Variants in LTBP3 observed in about 807,000 individuals in gnomAD.
The protein encoded by LTBP3 is latent transforming growth factor beta binding protein 3.
Under a neutral mutation model 159.7 loss-of-function variants are expected in LTBP3, and 97 were observed. The observed-to-expected ratio is 0.61, with a 90% CI of 0.52 to 0.72. LTBP3 has a LOEUF of 0.72. LTBP3 is among the 30% of genes least tolerant of loss of function. LTBP3 has a pLI of 0.00. For missense variants in LTBP3, 1,584 were observed against 1,864.3 expected, an observed-to-expected ratio of 0.85 and a Z score of 2.77; for synonymous variants, 824 against 777.1, an observed-to-expected ratio of 1.06 and a Z score of -1.00.
chr11:65,541,355 C>T (rs942485217), intron 19 of LTBP3, 62 bp from the exon 20 acceptor site: 235 of 1,575,766 alleles, frequency 1.5e-4, no homozygotes, highest in Middle Eastern at 2.2e-4. Context: ...TCCACCCTGC[C>T]CACCCACCAC....
At chr11:65,539,652 C>A in intron 25 of LTBP3, 24 bp from the exon 26 acceptor site, 1 of 1,596,566 alleles carries the variant, frequency 6.3e-7, no homozygotes, top group Non-Finnish European at 8.5e-7. Context: ...AACTGGTCAG[C>A]GACGTCCGGG....
Position 65,552,773 on chromosome 11 carries a change from T to C in LTBP3, c.1186+87A>G. The C allele has an allele frequency of 6.3e-7, 1 of 1,597,742 alleles. No individual in the cohort carries two copies. Among genetic ancestry groups the C allele is most frequent in the South Asian group, 1.1e-5 (1 of 90,094 alleles). ...CCTTGTTCCTCCTGCAGTCAACCCT[T>C]AACCCCACTCTGATCTCTTGCGATC... On this transcript the variant is annotated intron_variant, in intron 6 of 27. Coordinates refer to ENST00000301873, the MANE Select transcript of LTBP3 (RefSeq NM_001130144.3). This position sits in a 1 kb window ranked among gnomAD's most constrained non-coding sequence, Gnocchi z 6.0.
Position 65,558,055 on chromosome 11 carries a change from G to A in LTBP3, c.-96C>T, listed in dbSNP as rs1856875732. The A allele has an allele frequency of 9.4e-7, 1 of 1,065,262 alleles. No homozygotes were observed. The highest frequency in any genetic ancestry group is 5.4e-5 in the East Asian group (1 of 18,558). The allele number at this position is 1,065,262 out of a possible 1,614,324, so 66.0% of individuals were successfully genotyped here. Reference sequence around the variant, plus strand: ...AGAGGGCCGGGAGCCCCGGGAGAGGGTAGGGGGCAGCGAGGGAGGGCAGCG... The same window carrying A: ...AGAGGGCCGGGAGCCCCGGGAGAGGATAGGGGGCAGCGAGGGAGGGCAGCG... On this transcript the variant is annotated 5_prime_UTR_variant, in exon 1 of 28. Transcript: ENST00000301873.
intron 18 of LTBP3, 133 bp downstream of exon 18, chr11:65,542,972 G>GGATA (rs1256061317): frequency 7.3e-6 from 8 of 1,088,814 alleles, no homozygotes; most frequent in East Asian, 2.5e-5. Flanking sequence ...ATGGATGGAT[G>GGATA]GATAGATGGA....
At position 65,546,418 on chromosome 11, in the gene LTBP3, C is replaced by T. The variant is rs776467473; in HGVS notation, c.2353+24G>A. 1.6e-5 allele frequency: 25 copies of T among 1,524,632 alleles called. No individual in the cohort carries two copies. In the Admixed American group the frequency reaches 2.3e-4, roughly 14 times the overall value. The allele number at this position is 1,524,632 out of a possible 1,614,324, so 94.4% of individuals were successfully genotyped here. On this transcript the variant is annotated intron_variant, in intron 16 of 27. Transcript: ENST00000301873. The surrounding 1 kb of genome is among the most constrained non-coding windows in gnomAD (Gnocchi z 4.0). ...CAGCGCGTAGGGGGCGGCGGAGGCC[C>T]GGGGCGGGGGTGCTGGCGCTCACCC...
chr11:65,547,327 G>C lies in LTBP3; in HGVS notation c.2107+112C>G. The C allele has an allele frequency of 7.7e-7, 1 of 1,306,472 alleles. No individual in the cohort carries two copies. Among genetic ancestry groups the C allele is most frequent in the Non-Finnish European group, 1.1e-6 (1 of 935,290 alleles). The allele number at this position is 1,306,472 out of a possible 1,614,324, so 80.9% of individuals were successfully genotyped here. ...CCACCGCACTCCAGCCTGGGCGACA[G>C]AGTGAGACTCCGTCTCGGGGGAAAA... On this transcript the variant is annotated intron_variant, in intron 14 of 27. Coordinates refer to ENST00000301873, the MANE Select transcript of LTBP3 (RefSeq NM_001130144.3). The surrounding 1 kb of genome is among the most constrained non-coding windows in gnomAD (Gnocchi z 4.6).
At chr11:65,540,812 C>T in intron 21 of LTBP3, 59 bp downstream of exon 21, 4 of 1,532,112 alleles carry the variant, frequency 2.6e-6, no homozygotes, top group South Asian at 2.4e-5. Context: ...CGGCGGGATC[C>T]GGGCGAGCCC....
Position 65,552,339 on chromosome 11 carries a change from T to C in LTBP3, c.1254A>G (p.Pro418=), listed in dbSNP as rs1295347115. ...GCTGGCGGGTCAGGCGGGTGGTCAG[T>C]GGGTGCTGGCACTGGTGCTCAGGGC... ...LVSPEHQCQH[P]LTTRLTRQLC... is the part of the protein sequence containing the mutation. The change falls in exon 7 of 28, where the codon CCA becomes CCG. Residue 418 remains proline (P), a synonymous_variant. Coordinates refer to ENST00000301873, the MANE Select transcript of LTBP3 (RefSeq NM_001130144.3). The surrounding 1 kb of genome is among the most constrained non-coding windows in gnomAD (Gnocchi z 6.0). 3 of 1,614,046 alleles carry C rather than the reference T, an allele frequency of 1.9e-6. No homozygotes were observed. In the Admixed American group the frequency reaches 5.0e-5, roughly 27 times the overall value.
rs550555573 is a variant in LTBP3, at chr11:65,546,168, C to T, written c.2353+274G>A. 1.4e-5 allele frequency: 7 copies of T among 502,498 alleles called. No homozygotes were observed. Among genetic ancestry groups the T allele is most frequent in the Non-Finnish European group, 2.1e-5 (6 of 282,952 alleles). The allele number at this position is 502,498 out of a possible 1,614,324, so 31.1% of individuals were successfully genotyped here. ...ATAAACAGGAGTGCAGGGGGGAGTA[C>T]TATCGTCTGCCCTCATTCTTTGATA... On this transcript the variant is annotated intron_variant, in intron 16 of 27. Transcript: ENST00000301873. The surrounding 1 kb of genome is among the most constrained non-coding windows in gnomAD (Gnocchi z 4.0).
At chr11:65,539,684 C>A in intron 25 of LTBP3, 36 bp downstream of exon 25, 1 of 1,575,252 alleles carries the variant, frequency 6.3e-7, no homozygotes, top group Non-Finnish European at 8.6e-7. Flanking sequence ...TGGCCCCCAT[C>A]CTCGCTCCCG....
At position 65,557,949 on chromosome 11, in the gene LTBP3, G is replaced by T; in HGVS notation, c.11C>A (p.Pro4His). ...GGCCAGGCCGCCAGCAGCCCCTCGG[G>T]GCCCGGGCATCCGGGGCCGCAGGAC... MPG[P>H]RGAAGGLAPE... Residue 4 changes from proline to histidine, a missense_variant, in exon 1 of 28, where the codon CCC becomes CAC. This residue lies in a region of LTBP3 where 79 missense variants were observed against 64.7 expected (regional missense o/e 1.22). Transcript: ENST00000301873. 1 of 1,172,888 alleles carries T rather than the reference G, an allele frequency of 8.5e-7. No individual in the cohort carries two copies. The highest frequency in any genetic ancestry group is 1.1e-6 in the Non-Finnish European group (1 of 951,420). The allele number at this position is 1,172,888 out of a possible 1,614,324, so 72.7% of individuals were successfully genotyped here. A position where few individuals can be genotyped will look rare whatever the true frequency, so the allele number is the denominator to read the frequency against.
At position 65,538,575 on chromosome 11, in the gene LTBP3, G is replaced by T. The variant is rs764688086; in HGVS notation, c.*505C>A. 6.2e-7 allele frequency: 1 copy of T among 1,607,692 alleles called. No individual in the cohort carries two copies. The highest frequency in any genetic ancestry group is 8.5e-7 in the Non-Finnish European group (1 of 1,177,148). ...CCCGGAAGCTGGACTGAACCGTGGC[G>T]GTGGCCCTTCCCGGCTGCGGAGAGC... On this transcript the variant is annotated 3_prime_UTR_variant, in exon 28 of 28. Transcript: ENST00000301873.
rs1251276272 is a variant in LTBP3, at chr11:65,546,423, C to T, written c.2353+19G>A. On this transcript the variant is annotated intron_variant, in intron 16 of 27. Coordinates refer to ENST00000301873, the MANE Select transcript of LTBP3 (RefSeq NM_001130144.3). This position sits in a 1 kb window ranked among gnomAD's most constrained non-coding sequence, Gnocchi z 4.0. Reference sequence around the variant, plus strand: ...CGTAGGGGGCGGCGGAGGCCCGGGGCGGGGGTGCTGGCGCTCACCCAAGCA... The same window carrying T: ...CGTAGGGGGCGGCGGAGGCCCGGGGTGGGGGTGCTGGCGCTCACCCAAGCA... The T allele has an allele frequency of 6.5e-7, 1 of 1,532,004 alleles. No individual in the cohort carries two copies. Among genetic ancestry groups the T allele is most frequent in the Non-Finnish European group, 8.7e-7 (1 of 1,145,330 alleles). The allele number at this position is 1,532,004 out of a possible 1,614,324, so 94.9% of individuals were successfully genotyped here.
intron 11 of LTBP3, 110 bp from the exon 12 acceptor site, chr11:65,548,155 G>T: frequency 6.7e-7 from 1 of 1,486,596 alleles, no homozygotes; most frequent in Non-Finnish European, 9.3e-7. Flanking sequence ...GTTCCTGTAC[G>T]CCCATACTCC....
In LTBP3 at chr11:65,558,076, C is replaced by A; in HGVS notation, c.-117G>T. The A allele has an allele frequency of 4.7e-6, 5 of 1,068,192 alleles. No individual in the cohort carries two copies. The highest frequency in any genetic ancestry group is 5.7e-6 in the Non-Finnish European group (5 of 881,998). 66.2% of individuals were successfully genotyped at this position (1,068,192 alleles called of 1,614,324 possible). On this transcript the variant is annotated 5_prime_UTR_variant, in exon 1 of 28. Coordinates refer to ENST00000301873, the MANE Select transcript of LTBP3 (RefSeq NM_001130144.3). The stretch of plus-strand genomic sequence containing the variant: ...GAGGGTAGGGGGCAGCGAGGGAGGG[C>A]AGCGGGGGAAGCGGGCGGGAGGGGA...
rs947287396 is a variant in LTBP3, at chr11:65,548,002, T to C, written c.1764A>G (p.Gly588=). Residue 588 remains glycine, a synonymous_variant, in exon 12 of 28, where the codon GGA becomes GGG. Transcript: ENST00000301873. ...CRLNQNICGH[G]ECVPGPPDYS... The stretch of plus-strand genomic sequence containing the variant: ...AGTCAGGGGGGCCCGGCACGCACTC[T>C]CCGTGGCCACAGATGTTCTGGTTCA... The C allele has an allele frequency of 6.2e-7, 1 of 1,613,678 alleles. No homozygotes were observed. The highest frequency in any genetic ancestry group is 1.3e-5 in the African/African-American group (1 of 74,844).
chr11:65,557,591 G>A (rs780919113), intron 1 of LTBP3, 38 bp downstream of exon 1: 6 of 1,603,738 alleles, frequency 3.7e-6, no homozygotes, highest in Non-Finnish European at 5.1e-6. Context: ...CCTGGTGCCT[G>A]TCCTTCCCCT....
At position 65,541,682 on chromosome 11, in the gene LTBP3, C is replaced by T; in HGVS notation, c.2643G>A (p.Gly881=). Residue 881 remains glycine (G), a synonymous_variant, in exon 19 of 28, where the codon GGG becomes GGA. Coordinates refer to ENST00000301873, the MANE Select transcript of LTBP3 (RefSeq NM_001130144.3). ...SQDPSLCLPH[G]ACKNLQGSYV... is the part of the protein sequence containing the mutation. The stretch of plus-strand genomic sequence containing the variant: ...AGGAGCCCTGAAGGTTCTTGCAGGC[C>T]CCATGGGGAAGGCACAGGCTCGGGT... The T allele has an allele frequency of 6.2e-7, 1 of 1,614,086 alleles. No individual in the cohort carries two copies. The highest frequency in any genetic ancestry group is 8.5e-7 in the Non-Finnish European group (1 of 1,179,984).
Position 65,539,407 on chromosome 11 carries a change from G to A in LTBP3, c.3681C>T (p.Arg1227=). 6.5e-7 allele frequency: 1 copy of A among 1,549,430 alleles called. No homozygotes were observed. Among genetic ancestry groups the A allele is most frequent in the East Asian group, 2.5e-5 (1 of 40,746 alleles). The change falls in exon 27 of 28, where the codon CGC becomes CGT. Residue 1227 remains arginine, a synonymous_variant. Transcript: ENST00000301873. The part of the protein sequence containing the change: ...DSDECRCVSG[R]CVPRPGGAVC... Reference sequence around the variant, plus strand: ...CGGCGCCGCCCGGCCGCGGCACGCAGCGGCCACTCACGCAGCGACACTCGT... The same window carrying A: ...CGGCGCCGCCCGGCCGCGGCACGCAACGGCCACTCACGCAGCGACACTCGT...
Sources: allele counts gnomAD v4.1 joint callset, GRCh38; gene constraint gnomAD v4.1.1; regional missense constraint gnomAD v4.1.1; non-coding constraint Gnocchi (gnomAD v3.1); transcripts MANE v1.5; gene names NCBI Gene and HGNC (gene_info 2026-07-23, HGNC 2026-07-21).